Variants in PKP2 observed in about 807,000 individuals in gnomAD.
The protein encoded by PKP2 is plakophilin-2.
In PKP2, 73 loss-of-function variants were observed where a neutral mutation model predicts 83.4. That is an observed-to-expected ratio of 0.88 (90% CI 0.72 to 1.06). The LOEUF (loss-of-function observed/expected upper bound fraction) is 1.06. PKP2 is among the 50% of genes least tolerant of loss of function. PKP2 has a pLI of 0.00. For synonymous variants in PKP2, 409 were observed against 430.4 expected, an observed-to-expected ratio of 0.95 and a Z score of 0.62; for missense variants, 966 against 1,065.4, an observed-to-expected ratio of 0.91 and a Z score of 1.30.
In PKP2 at chr12:32,883,694, G is replaced by A. The variant is rs555887866; in HGVS notation, c.224-4662C>T. ...CATCTTCCCTACATTGAAGAAATCC[G>A]TAGGCTTCATCTGGAACCCCTATTC... On this transcript the variant is annotated intron_variant, in intron 1 of 12. Coordinates refer to ENST00000340811, the MANE Select transcript of PKP2 (RefSeq NM_001005242.3). Among the ~76,000 whole-genome samples the A allele has an allele frequency of 9.9e-5, 15 of 152,252 alleles. 1 individual carries two copies. Among genetic ancestry groups the A allele is most frequent in the South Asian group, 6.2e-4 (3 of 4,828 alleles).
chr12:32,844,893 A>G (rs1956631998), intron 5 of PKP2, among the ~76,000 whole-genome samples: 1 of 152,208 alleles, frequency 6.6e-6, no homozygotes, highest in Non-Finnish European at 1.5e-5. Flanking sequence ...GGAAACCAAT[A>G]GACTAGATGA....
intron 10 of PKP2, among the ~76,000 whole-genome samples, chr12:32,797,803 G>A (rs149562519): frequency 0.038 from 5,697 of 151,880 alleles, 360 homozygotes; most frequent in African/African-American, 0.13. Flanking sequence ...TGATCCGCCC[G>A]CCTGGGCCTC....
At chr12:32,824,425 C>T (rs190358005) in intron 6 of PKP2, 382 of 451,258 alleles carry the variant, frequency 8.5e-4, no homozygotes, top group Non-Finnish European at 1.3e-3. Context: ...ACATTATTTA[C>T]TTAATCTTCA....
intron 6 of PKP2, among the ~76,000 whole-genome samples, chr12:32,830,495 C>T (rs1353324344): frequency 1.3e-5 from 2 of 152,160 alleles, no homozygotes; most frequent in East Asian, 1.9e-4. Context: ...CAAGGCCCTA[C>T]AACCTACACA....
chr12:32,891,748 C>G (rs1202962571), intron 1 of PKP2, among the ~76,000 whole-genome samples: 1 of 152,100 alleles, frequency 6.6e-6, no homozygotes, highest in Non-Finnish European at 1.5e-5. Context: ...ATAATCAAAC[C>G]CTGCTACTCT....
chr12:32,848,080 A>T (rs1956663892), intron 5 of PKP2, among the ~76,000 whole-genome samples: 1 of 152,232 alleles, frequency 6.6e-6, no homozygotes, highest in Non-Finnish European at 1.5e-5. Flanking sequence ...CAAATCATGG[A>T]TATGAAAAGA....
At chr12:32,843,966 A>G (rs1024289414) in intron 5 of PKP2, among the ~76,000 whole-genome samples, 11 of 152,254 alleles carry the variant, frequency 7.2e-5, no homozygotes, top group Non-Finnish European at 1.5e-4. Flanking sequence ...AAGAATGTGA[A>G]GCATAATGAC....
Position 32,841,127 on chromosome 12 carries a change from T to C in PKP2, c.1457A>G (p.Asn486Ser). 6.2e-7 allele frequency: 1 copy of C among 1,613,382 alleles called. No individual in the cohort carries two copies. The highest frequency in any genetic ancestry group is 1.1e-5 in the South Asian group (1 of 91,072). ...CCACCCAGAAAAGGGGATGATGATA[T>C]TCTCCGTCAGCGTAAGCAATGCTTC... is the stretch of plus-strand genomic sequence containing the variant. ...ITEALLTLTE[N>S]IIIPFSGWPE... is the part of the protein sequence containing the mutation. Residue 486 changes from asparagine to serine, a missense_variant, in exon 6 of 13, where the codon AAT (asparagine) becomes AGT (serine). Asn to Ser is a conservative substitution (Grantham distance 46). Transcript: ENST00000340811.
chr12:32,880,353 T>G (rs1215190402), intron 1 of PKP2, among the ~76,000 whole-genome samples: 1 of 151,912 alleles, frequency 6.6e-6, no homozygotes, highest in Non-Finnish European at 1.5e-5. Flanking sequence ...TGAGCCGAGA[T>G]AGCGCCACTG....
At chr12:32,878,814 T>C (rs1956959583) in intron 2 of PKP2, 106 bp downstream of exon 2, 1 of 770,456 alleles carries the variant, frequency 1.3e-6, no homozygotes, top group Admixed American at 2.0e-5. Context: ...ATTTAGGAAA[T>C]GATAATACTT....
At chr12:32,838,494 A>AC (rs1271356358) in intron 6 of PKP2, among the ~76,000 whole-genome samples, 1 of 151,620 alleles carries the variant, frequency 6.6e-6, no homozygotes, top group Non-Finnish European at 1.5e-5. Context: ...AAAAAAAAAA[A>AC]ATTAACTCCT....
At chr12:32,873,562 C>T (rs948819822) in intron 3 of PKP2, among the ~76,000 whole-genome samples, 2 of 152,074 alleles carry the variant, frequency 1.3e-5, no homozygotes, top group Non-Finnish European at 2.9e-5. Context: ...CTGAGTCTTG[C>T]TCCTTCGCCC....
Position 32,821,494 on chromosome 12 carries a change from G to C in PKP2, c.1875C>G (p.Ser625Arg). ...YQDVPMPEEK[S>R]NPKGVEWLWH... Reference sequence around the variant, plus strand: ...ACAGCCACTCCACGCCCTTGGGGTTGCTCTTTTCCTCCGGCATCGGCACGT... The same window carrying C: ...ACAGCCACTCCACGCCCTTGGGGTTCCTCTTTTCCTCCGGCATCGGCACGT... Residue 625 changes from serine to arginine, a missense_variant, in exon 9 of 13, where the codon AGC becomes AGG. Transcript: ENST00000340811. 1.2e-6 allele frequency: 2 copies of C among 1,614,004 alleles called. No homozygotes were observed. Among genetic ancestry groups the C allele is most frequent in the Non-Finnish European group, 8.5e-7 (1 of 1,179,972 alleles).
intron 4 of PKP2, among the ~76,000 whole-genome samples, chr12:32,868,139 T>C (rs555113598): frequency 1.4e-4 from 22 of 152,356 alleles, no homozygotes; most frequent in African/African-American, 5.3e-4. Context: ...ACTTTCTACA[T>C]TTCCGAATTG....
rs1956110600 is a variant in PKP2, at chr12:32,795,331, A to T, written c.2357+778T>A. Among the ~76,000 whole-genome samples the T allele has an allele frequency of 3.3e-5, 5 of 152,066 alleles. No individual in the cohort carries two copies. In the South Asian group the frequency reaches 8.3e-4, roughly 25 times the overall value. On this transcript the variant is annotated intron_variant, in intron 11 of 12. Coordinates refer to ENST00000340811, the MANE Select transcript of PKP2 (RefSeq NM_001005242.3). Reference sequence around the variant, plus strand: ...ACTGTGAAAGCAAGACTTTCTCATCAGGCTACCCCCTGACTGCTTCTCCTG... The same window carrying T: ...ACTGTGAAAGCAAGACTTTCTCATCTGGCTACCCCCTGACTGCTTCTCCTG...
chr12:32,811,867 C>G (rs898269692), intron 9 of PKP2, among the ~76,000 whole-genome samples: 2 of 152,156 alleles, frequency 1.3e-5, no homozygotes, highest in Admixed American at 6.6e-5. Flanking sequence ...TGAGGGGTAT[C>G]TGCAGGCCAT....
chr12:32,861,669 C>T (rs1390852502), intron 4 of PKP2, among the ~76,000 whole-genome samples: 5 of 152,128 alleles, frequency 3.3e-5, no homozygotes, highest in Admixed American at 6.5e-5. Flanking sequence ...AGTAGAAATT[C>T]ACAAATCTAT....
chr12:32,802,676 TGAGAC>T (rs1956193646), intron 9 of PKP2, 120 bp from the exon 10 acceptor site: 11 of 903,876 alleles, frequency 1.2e-5, no homozygotes, highest in Non-Finnish European at 1.9e-5. Flanking sequence ...TTATTTATTT[TGAGAC>T]AAAGTCTCTC....
chr12:32,865,680 T>TGAAAAAAAAAAAAAAAAAAAAAAAA (rs1416422962), intron 4 of PKP2, among the ~76,000 whole-genome samples: 1 of 48,702 alleles, frequency 2.1e-5, no homozygotes, highest in African/African-American at 2.6e-4. Flanking sequence ...TGACTCCGTC[T>TGAAAAAAAAAAAAAAAAAAAAAAAA]CAAAAAAAAA....
Sources: allele counts gnomAD v4.1 joint callset (sites outside exome capture counted in the v4.1 genomes callset), GRCh38; gene constraint gnomAD v4.1.1; transcripts MANE v1.5; gene names NCBI Gene and HGNC (gene_info 2026-07-23, HGNC 2026-07-21).